Variants in ADGRB3 observed in about 807,000 individuals in gnomAD.
The protein encoded by ADGRB3 is brain-specific angiogenesis inhibitor 3.
A neutral mutation model predicts 193.4 loss-of-function variants in ADGRB3; 37 were observed. The observed-to-expected ratio is 0.19, with a 90% CI of 0.15 to 0.25. The LOEUF (loss-of-function observed/expected upper bound fraction) is 0.25, where lower values mean the gene tolerates loss of function less well. ADGRB3 is among the 10% of genes least tolerant of loss of function. The pLI is 1.00. For missense variants in ADGRB3, 1,637 were observed against 1,852.9 expected (o/e 0.88, Z 2.14); for synonymous variants, 690 against 644.2 (o/e 1.07, Z -1.08).
intron 17 of ADGRB3, among the ~76,000 whole-genome samples, chr6:69,232,092 T>C (rs1374991224): frequency 3.3e-5 from 5 of 152,190 alleles, no homozygotes; most frequent in Non-Finnish European, 7.4e-5. Context: ...GTTTTTCTCT[T>C]AGAGTTTTGA....
rs151256182 is a variant in ADGRB3, at chr6:68,728,945, AT to A, written c.757+89523del. On this transcript the variant is annotated intron_variant, in intron 3 of 31. Coordinates refer to ENST00000370598, the MANE Select transcript of ADGRB3 (RefSeq NM_001704.3). The stretch of plus-strand genomic sequence containing the variant: ...ACTTAAGCCAAAATTCTTCAATGTG[AT>A]TTTTTTTTTATTTAGAAGCATACAT... 5.7e-3 allele frequency among the ~76,000 whole-genome samples: 856 copies of A among 149,452 alleles called. 14 individuals carry two copies. The highest frequency in any genetic ancestry group is 0.02 in the African/African-American group (809 of 40,914).
chr6:68,803,788 A>G (rs1268182062), intron 3 of ADGRB3, among the ~76,000 whole-genome samples: 1 of 152,064 alleles, frequency 6.6e-6, no homozygotes, highest in Admixed American at 6.6e-5. Flanking sequence ...CTTCATTTCT[A>G]TTTACCTTCA....
intron 3 of ADGRB3, among the ~76,000 whole-genome samples, chr6:68,700,158 A>G (rs1003313535): frequency 1.3e-5 from 2 of 152,182 alleles, no homozygotes; most frequent in Admixed American, 1.3e-4. Flanking sequence ...AAACACATTC[A>G]GGTGCCTAGG....
chr6:68,992,713 T>C (rs566631071), intron 10 of ADGRB3, among the ~76,000 whole-genome samples: 47 of 152,296 alleles, frequency 3.1e-4, no homozygotes, highest in African/African-American at 1.1e-3. Context: ...AAAAGAAAAG[T>C]AAAATATATG....
chr6:68,730,057 T>C (rs1283797648), intron 3 of ADGRB3, among the ~76,000 whole-genome samples: 1 of 151,638 alleles, frequency 6.6e-6, no homozygotes, highest in African/African-American at 2.4e-5. Flanking sequence ...CATAATTAAA[T>C]AGAAAAATGT....
intron 6 of ADGRB3, among the ~76,000 whole-genome samples, chr6:68,951,149 T>G (rs923644113): frequency 1.3e-5 from 2 of 152,208 alleles, no homozygotes; most frequent in African/African-American, 2.4e-5. Flanking sequence ...TGTTTAATTT[T>G]TAATTTTTCT....
At chr6:69,253,883 A>G (rs1766684618) in intron 20 of ADGRB3, among the ~76,000 whole-genome samples, 1 of 152,116 alleles carries the variant, frequency 6.6e-6, no homozygotes, top group Non-Finnish European at 1.5e-5. Context: ...TCTGAGATCA[A>G]AAACTCATGA....
intron 17 of ADGRB3, among the ~76,000 whole-genome samples, chr6:69,211,907 T>C (rs1473494504): frequency 6.6e-6 from 1 of 152,248 alleles, no homozygotes; most frequent in East Asian, 1.9e-4. Flanking sequence ...GTATTTTACA[T>C]AGTCTAGCAT....
intron 3 of ADGRB3, among the ~76,000 whole-genome samples, chr6:68,671,774 C>T (rs976571850): frequency 6.6e-6 from 1 of 151,932 alleles, no homozygotes; most frequent in Non-Finnish European, 1.5e-5. Context: ...GTAATACTGG[C>T]CACATAGAAT....
intron 20 of ADGRB3, among the ~76,000 whole-genome samples, chr6:69,295,588 A>G (rs1425935256): frequency 6.6e-6 from 1 of 152,148 alleles, no homozygotes; most frequent in Non-Finnish European, 1.5e-5. Context: ...TTTTTATACC[A>G]TAAACCCACC....
At chr6:69,378,626 C>G (rs771298922) in intron 30 of ADGRB3, among the ~76,000 whole-genome samples, 3 of 151,984 alleles carry the variant, frequency 2.0e-5, no homozygotes, top group African/African-American at 4.8e-5. Flanking sequence ...CAAAATTACC[C>G]TGCAACGTAA....
At chr6:69,273,977 A>ATATGAGAATTGGTG (rs1204094993) in intron 20 of ADGRB3, among the ~76,000 whole-genome samples, 2 of 152,326 alleles carry the variant, frequency 1.3e-5, no homozygotes, top group East Asian at 3.9e-4. Flanking sequence ...TGATCTGTCT[A>ATATGAGAATTGGTG]TATGAGAATT....
intron 24 of ADGRB3, among the ~76,000 whole-genome samples, chr6:69,336,610 T>C (rs529494085): frequency 6.6e-6 from 1 of 152,144 alleles, no homozygotes; most frequent in South Asian, 2.1e-4. Context: ...GTGTGTAAAG[T>C]TTTTCTATTT....
rs577053616 is a variant in ADGRB3 at position 68,981,852 on chromosome 6, ATT to A, written c.1734+6514_1734+6515del. Among the ~76,000 whole-genome samples, 156 of 124,120 alleles carry A rather than the reference ATT, an allele frequency of 1.3e-3. 1 individual carries two copies. Among genetic ancestry groups the A allele is most frequent in the Admixed American group, 9.2e-3 (123 of 13,300 alleles). 81.4% of individuals were successfully genotyped at this position (124,120 alleles called of 152,430 possible). A position where few individuals can be genotyped will look rare whatever the true frequency, so the allele number is the denominator to read the frequency against. On this transcript the variant is annotated intron_variant, in intron 10 of 31. Coordinates refer to ENST00000370598, the MANE Select transcript of ADGRB3 (RefSeq NM_001704.3). ...ATGGACAATACCTATTTTGTTATTT[ATT>A]TATTTATTTATTTATTTATTTATTT...
intron 9 of ADGRB3, 35 bp downstream of exon 9, chr6:68,974,899 A>T (rs770405434): frequency 1.1e-5 from 17 of 1,545,324 alleles, no homozygotes; most frequent in Non-Finnish European, 1.5e-5. Context: ...CCCTAGTGAT[A>T]ATCCCCATCC....
At chr6:69,059,652 A>G (rs1055507572) in intron 15 of ADGRB3, among the ~76,000 whole-genome samples, 1 of 152,196 alleles carries the variant, frequency 6.6e-6, no homozygotes, top group Admixed American at 6.6e-5. Context: ...GCATTAGCAG[A>G]TCACAAAGCC....
intron 10 of ADGRB3, among the ~76,000 whole-genome samples, chr6:68,985,887 G>A (rs2150271151): frequency 1.3e-5 from 2 of 152,160 alleles, no homozygotes. Context: ...GATTGGGGAG[G>A]TTTCTAAAAG....
intron 20 of ADGRB3, among the ~76,000 whole-genome samples, chr6:69,323,376 A>C (rs981508838): frequency 6.6e-6 from 1 of 151,978 alleles, no homozygotes; most frequent in East Asian, 1.9e-4. Context: ...CAGCCTGCAG[A>C]TATTTAAACC....
chr6:68,940,179 T>A (rs1161490948), intron 5 of ADGRB3, among the ~76,000 whole-genome samples: 1 of 152,156 alleles, frequency 6.6e-6, no homozygotes, highest in African/African-American at 2.4e-5. Flanking sequence ...ACAATGGACA[T>A]AAACAAAGAA....
Sources: allele counts gnomAD v4.1 joint callset (sites outside exome capture counted in the v4.1 genomes callset), GRCh38; gene constraint gnomAD v4.1.1; transcripts MANE v1.5; gene names NCBI Gene and HGNC (gene_info 2026-07-23, HGNC 2026-07-21).